The following RBFOX1 variants were observed in gnomAD, a reference collection of about 807,000 sequenced individuals.
The protein encoded by RBFOX1 is RNA binding protein fox-1 homolog 1.
In RBFOX1, 8 loss-of-function variants were observed where a neutral mutation model predicts 57.7. That is an observed-to-expected ratio of 0.14 (90% confidence interval 0.08 to 0.25). RBFOX1 has a LOEUF of 0.25. Among genes scored for constraint, RBFOX1 ranks in the 10% least tolerant of loss-of-function variants. The probability of loss-of-function intolerance (pLI) is 1.00; values close to 1 mark genes in which losing one functional copy is unlikely to be tolerated. For missense variants in RBFOX1, 611 were observed against 548.5 expected, an observed-to-expected ratio of 1.11 and a Z score of -1.14; for synonymous variants, 326 against 222.4, an observed-to-expected ratio of 1.47 and a Z score of -4.15.
intron 3 of RBFOX1, among the ~76,000 whole-genome samples, chr16:5,799,427 A>G (rs565797090): frequency 6.6e-6 from 1 of 152,246 alleles, no homozygotes; most frequent in East Asian, 1.9e-4. Flanking sequence ...CAATATACAG[A>G]TGTATGGTCC....
rs563635167 is a variant in RBFOX1 at position 7,537,299 on chromosome 16, T to G, written c.270+18910T>G. 2.1e-4 allele frequency among the ~76,000 whole-genome samples: 32 copies of G among 152,310 alleles called. 1 individual carries two copies. The South Asian group carries it at 6.2e-3, about 30-fold the overall frequency. On this transcript the variant is annotated intron_variant, in intron 5 of 15. Transcript: ENST00000550418. ...AATAATCTGCCAGAGCTCTCTGTAA[T>G]ATACAGTATTCACACCTGTGGACTT... is the stretch of plus-strand genomic sequence containing the variant.
At chr16:7,201,319 T>C (rs1205500006) in intron 4 of RBFOX1, among the ~76,000 whole-genome samples, 8 of 152,138 alleles carry the variant, frequency 5.3e-5, no homozygotes, top group Non-Finnish European at 1.2e-4. Context: ...AGTCACCAGC[T>C]GAGGTGAAGG....
Position 6,717,030 on chromosome 16 carries a change from A to G in RBFOX1, c.-16+62380A>G, listed in dbSNP as rs185895747. 7.5e-4 allele frequency among the ~76,000 whole-genome samples: 114 copies of G among 152,254 alleles called. No individual in the cohort carries two copies. The East Asian group carries it at 0.02, about 26-fold the overall frequency. ...TTGCTTTCTCTCTTTTCTCTCAACC[A>G]TGTGAGGATACAGTGAGAAGGCTGC... On this transcript the variant is annotated intron_variant, in intron 3 of 15. Coordinates refer to ENST00000550418, the MANE Select transcript of RBFOX1 (RefSeq NM_018723.4).
At chr16:5,365,739 C>A in intron 1 of RBFOX1, 2 of 440,394 alleles carry the variant, frequency 4.5e-6, no homozygotes, top group South Asian at 3.5e-5. Flanking sequence ...TTCTCTTGAG[C>A]AGTGGTCATT....
At chr16:6,756,437 A>G (rs1030132653) in intron 3 of RBFOX1, among the ~76,000 whole-genome samples, 8 of 152,228 alleles carry the variant, frequency 5.3e-5, no homozygotes, top group Non-Finnish European at 1.2e-4. Flanking sequence ...CTTCAAAGGC[A>G]TAGGCAACAG....
At chr16:6,150,903 G>A (rs938925469) in intron 1 of RBFOX1, among the ~76,000 whole-genome samples, 5 of 152,038 alleles carry the variant, frequency 3.3e-5, no homozygotes, top group African/African-American at 7.2e-5. Context: ...TACATTTTCC[G>A]GCAATTCATT....
At chr16:6,191,481 G>A (rs1469804452) in intron 1 of RBFOX1, among the ~76,000 whole-genome samples, 3 of 152,136 alleles carry the variant, frequency 2.0e-5, no homozygotes, top group Non-Finnish European at 2.9e-5. Context: ...CATGATAAGT[G>A]ATGTTTACCA....
chr16:6,598,111 T>G (rs2097795812), intron 2 of RBFOX1, among the ~76,000 whole-genome samples: 1 of 152,234 alleles, frequency 6.6e-6, no homozygotes, highest in Non-Finnish European at 1.5e-5. Context: ...TAGATGCACC[T>G]ATACATATAC....
At chr16:6,450,811 A>ACATATATATATG (rs1567303317) in intron 2 of RBFOX1, among the ~76,000 whole-genome samples, 425 of 24,114 alleles carry the variant, frequency 0.018, 54 homozygotes, top group African/African-American at 0.1. Context: ...GTATATATAT[A>ACATATATATATG]TATATACATA....
intron 2 of RBFOX1, among the ~76,000 whole-genome samples, chr16:6,321,793 TG>T (rs1229240279): frequency 6.6e-6 from 1 of 152,198 alleles, no homozygotes; most frequent in African/African-American, 2.4e-5. Flanking sequence ...AATACTGGTA[TG>T]GGTCTTTCTG....
chr16:6,409,452 T>A (rs1244716407), intron 2 of RBFOX1, among the ~76,000 whole-genome samples: 2 of 152,106 alleles, frequency 1.3e-5, no homozygotes, highest in Non-Finnish European at 2.9e-5. Flanking sequence ...ACCAAACACT[T>A]TGAAACTGGA....
At chr16:7,394,223 A>C (rs1294342861) in intron 4 of RBFOX1, among the ~76,000 whole-genome samples, 1 of 134,506 alleles carries the variant, frequency 7.4e-6, no homozygotes, top group Non-Finnish European at 1.6e-5. Flanking sequence ...GCAACAGAGC[A>C]AGACTCCGCA....
chr16:6,722,146 A>T (rs971468866), intron 3 of RBFOX1, among the ~76,000 whole-genome samples: 1 of 152,180 alleles, frequency 6.6e-6, no homozygotes, highest in Non-Finnish European at 1.5e-5. Context: ...CCTGCTTTCC[A>T]TTCCTGTGGT....
chr16:6,312,197 C>T (rs1168320491), intron 1 of RBFOX1, among the ~76,000 whole-genome samples: 1 of 152,114 alleles, frequency 6.6e-6, no homozygotes, highest in Non-Finnish European at 1.5e-5. Context: ...GTTTCTTACA[C>T]AGCACAGGAG....
chr16:5,465,679 G>A (rs139102557), intron 1 of RBFOX1, among the ~76,000 whole-genome samples: 103 of 152,168 alleles, frequency 6.8e-4, no homozygotes, highest in Non-Finnish European at 1.3e-3. Flanking sequence ...GCTCATCTAA[G>A]AACTATAACA....
At chr16:7,520,390 A>T (rs998361606) in intron 5 of RBFOX1, among the ~76,000 whole-genome samples, 3 of 152,042 alleles carry the variant, frequency 2.0e-5, no homozygotes, top group Non-Finnish European at 4.4e-5. Flanking sequence ...TAGCACCCCA[A>T]AAGGAAACCC....
Position 6,606,236 on chromosome 16 carries a change from G to T in RBFOX1, c.-63-48367G>T, listed in dbSNP as rs529657792. Reference sequence around the variant, plus strand: ...GAGGCTAAAATAGGAATCCTGTGAAGTACTACTGCCTTTGATATTTTTTCC... The same window carrying T: ...GAGGCTAAAATAGGAATCCTGTGAATTACTACTGCCTTTGATATTTTTTCC... On this transcript the variant is annotated intron_variant, in intron 2 of 15. Transcript: ENST00000550418. Among the ~76,000 whole-genome samples the T allele has an allele frequency of 2.0e-5, 3 of 152,274 alleles. No individual in the cohort carries two copies. In the South Asian group the frequency reaches 6.2e-4, roughly 32 times the overall value.
chr16:6,607,603 CTCTCTCTTTCT>C (rs2097958276), intron 2 of RBFOX1, among the ~76,000 whole-genome samples: 1 of 151,296 alleles, frequency 6.6e-6, no homozygotes, highest in Non-Finnish European at 1.5e-5. Context: ...TCTCTCTCTC[CTCTCTCTTTCT>C]CTCTCTTCTT....
chr16:6,040,570 T>TTCTTTCTC lies in RBFOX1; in HGVS notation c.-127+20581_-127+20582insTTCTCTCT, dbSNP rs1555484378. Among the ~76,000 whole-genome samples, 4 of 150,102 alleles carry TTCTTTCTC rather than the reference T, an allele frequency of 2.7e-5. No homozygotes were observed. The East Asian group carries it at 7.8e-4, about 29-fold the overall frequency. On this transcript the variant is annotated intron_variant, in intron 1 of 15. Transcript: ENST00000550418. ...AATCATTCTTTCTTTCTTTCTTTCT[T>TTCTTTCTC]TCTCTCTCTCTCTCTTTCTTTCTTA...
Sources: gnomAD v4.1 joint callset for allele counts (sites outside exome capture counted in the v4.1 genomes callset) on GRCh38, gnomAD v4.1.1 for gene constraint, MANE v1.5 for transcripts, NCBI Gene and HGNC (gene_info 2026-07-23, HGNC 2026-07-21) for gene names.